Variants in TNIK observed in about 807,000 individuals in gnomAD.
The protein encoded by TNIK is TRAF2 and NCK-interacting protein kinase.
In TNIK, 49 loss-of-function variants were observed where a neutral mutation model predicts 191.3. That is an observed-to-expected ratio of 0.26 (90% CI 0.20 to 0.32). The LOEUF is 0.32. Among genes scored for constraint, TNIK ranks in the 10% least tolerant of loss-of-function variants. The pLI is 1.00. For synonymous variants in TNIK, 594 were observed against 600.9 expected (o/e 0.99, Z 0.17); for missense variants, 1,155 against 1,702.3 (o/e 0.68, Z 5.66).
At chr3:171,251,032 C>T (rs1354735974) in intron 2 of TNIK, among the ~76,000 whole-genome samples, 1 of 152,172 alleles carries the variant, frequency 6.6e-6, no homozygotes, top group Non-Finnish European at 1.5e-5. Flanking sequence ...GACTGAAGCT[C>T]TCATCTAAAC....
chr3:171,385,030 A>G (rs1195180842), intron 1 of TNIK, among the ~76,000 whole-genome samples: 1 of 152,226 alleles, frequency 6.6e-6, no homozygotes, highest in African/African-American at 2.4e-5. Flanking sequence ...ATCAAGTAAC[A>G]CTAAAATACA....
intron 6 of TNIK, 38 bp from the exon 7 acceptor site, chr3:171,188,870 A>G: frequency 6.2e-7 from 1 of 1,608,226 alleles, no homozygotes; most frequent in Non-Finnish European, 8.5e-7. Flanking sequence ...GTCTGTGATC[A>G]TAGGTTTTAG....
intron 1 of TNIK, among the ~76,000 whole-genome samples, chr3:171,396,558 C>A (rs1720277657): frequency 6.6e-6 from 1 of 152,160 alleles, no homozygotes. Context: ...CTCCAGGTGG[C>A]AGAAAGCTAA....
intron 2 of TNIK, among the ~76,000 whole-genome samples, chr3:171,250,625 G>A (rs906559621): frequency 1.3e-5 from 2 of 152,188 alleles, no homozygotes; most frequent in African/African-American, 4.8e-5. Context: ...GAACAACACA[G>A]GCCCTGTGGT....
intron 3 of TNIK, among the ~76,000 whole-genome samples, chr3:171,225,963 C>T (rs1294382369): frequency 6.6e-6 from 1 of 152,182 alleles, no homozygotes; most frequent in Non-Finnish European, 1.5e-5. Context: ...AAGGAAAATA[C>T]AGTAGTATGA....
intron 2 of TNIK, among the ~76,000 whole-genome samples, chr3:171,258,872 A>G (rs559160297): frequency 6.6e-6 from 1 of 152,290 alleles, no homozygotes; most frequent in East Asian, 1.9e-4. Flanking sequence ...AATTTAATTA[A>G]TTTACTCCTT....
intron 2 of TNIK, among the ~76,000 whole-genome samples, chr3:171,297,588 G>C (rs1194693701): frequency 2.0e-5 from 3 of 152,086 alleles, no homozygotes; most frequent in Non-Finnish European, 4.4e-5. Flanking sequence ...ACAAAATATT[G>C]ATGTCTCTTT....
At chr3:171,128,395 A>G (rs994760928) in intron 16 of TNIK, among the ~76,000 whole-genome samples, 16 of 152,222 alleles carry the variant, frequency 1.1e-4, no homozygotes, top group African/African-American at 3.4e-4. Flanking sequence ...CAAAGTTTCT[A>G]TGAATTCTAG....
rs1724513333 is a variant in TNIK at position 171,104,994 on chromosome 3, CAAAGACTATATTA to C, written c.2406+2176_2406+2188del. Among the ~76,000 whole-genome samples, 3 of 150,590 alleles carry C rather than the reference CAAAGACTATATTA, an allele frequency of 2.0e-5. No individual in the cohort carries two copies. The South Asian group carries it at 6.4e-4, about 32-fold the overall frequency. On this transcript the variant is annotated intron_variant, in intron 21 of 32. Coordinates refer to ENST00000436636, the MANE Select transcript of TNIK (RefSeq NM_015028.4). The stretch of plus-strand genomic sequence containing the variant: ...CCCATTTATTTTCAAAGACTATATT[CAAAGACTATATTA>C]AATAGACTATGCTGCAAAATCTCAT...
At chr3:171,214,436 A>C (rs1741220011) in intron 3 of TNIK, among the ~76,000 whole-genome samples, 3 of 152,228 alleles carry the variant, frequency 2.0e-5, no homozygotes, top group Admixed American at 2.0e-4. Context: ...TGCCACCCAC[A>C]GTGGCAGAAT....
intron 1 of TNIK, among the ~76,000 whole-genome samples, chr3:171,397,480 A>G (rs1416775563): frequency 6.6e-6 from 1 of 152,228 alleles, no homozygotes; most frequent in Admixed American, 6.5e-5. Flanking sequence ...GGAAGCAGAA[A>G]TTCTCAGTAT....
chr3:171,370,571 G>A (rs151289915), intron 1 of TNIK, among the ~76,000 whole-genome samples: 1 of 152,258 alleles, frequency 6.6e-6, no homozygotes, highest in East Asian at 1.9e-4. Flanking sequence ...CATAAATCTA[G>A]GAGTCACAAA....
intron 2 of TNIK, among the ~76,000 whole-genome samples, chr3:171,354,655 G>A (rs1022757485): frequency 1.3e-5 from 2 of 152,196 alleles, no homozygotes; most frequent in African/African-American, 4.8e-5. Context: ...ACAGACTAAG[G>A]AGTTTCTTCA....
chr3:171,236,813 C>T (rs1188703957), intron 2 of TNIK, among the ~76,000 whole-genome samples: 1 of 152,182 alleles, frequency 6.6e-6, no homozygotes, highest in Non-Finnish European at 1.5e-5. Context: ...CATCCTCTCC[C>T]CTGGCCCTGC....
chr3:171,082,201 T>G, intron 27 of TNIK, 50 bp downstream of exon 27: 1 of 1,587,620 alleles, frequency 6.3e-7, no homozygotes, highest in Non-Finnish European at 8.6e-7. Flanking sequence ...ATGAGGTGGA[T>G]CCCTTTCCCG....
At chr3:171,410,575 C>T (rs376634771) in intron 1 of TNIK, among the ~76,000 whole-genome samples, 1 of 151,880 alleles carries the variant, frequency 6.6e-6, no homozygotes, top group Admixed American at 6.6e-5. Flanking sequence ...GTCAGGAGAT[C>T]GAGACCATCC....
At position 171,063,874 on chromosome 3, in the gene TNIK, T is replaced by C. The variant is rs1377761840; in HGVS notation, c.*7A>G. On this transcript the variant is annotated 3_prime_UTR_variant, in exon 33 of 33. Transcript: ENST00000436636. ...CGCCATGAAGATAAGTGCCAAGTGC[T>C]CTTCTGTTACCAGTTCATCATGGAA... The C allele has an allele frequency of 1.2e-6, 2 of 1,613,328 alleles. No individual in the cohort carries two copies. Among genetic ancestry groups the C allele is most frequent in the East Asian group, 4.5e-5 (2 of 44,880 alleles).
At chr3:171,174,555 C>T (rs754373687) in intron 9 of TNIK, among the ~76,000 whole-genome samples, 3 of 152,148 alleles carry the variant, frequency 2.0e-5, no homozygotes, top group Non-Finnish European at 2.9e-5. Flanking sequence ...AGTCAAACAT[C>T]CAACATCTGG....
At chr3:171,252,996 G>A (rs897767902) in intron 2 of TNIK, among the ~76,000 whole-genome samples, 6 of 152,044 alleles carry the variant, frequency 3.9e-5, no homozygotes, top group Admixed American at 3.3e-4. Flanking sequence ...AATAACTAGG[G>A]CCGGGCACAG....
Sources: allele counts gnomAD v4.1 joint callset (sites outside exome capture counted in the v4.1 genomes callset), GRCh38; gene constraint gnomAD v4.1.1; transcripts MANE v1.5; gene names NCBI Gene and HGNC (gene_info 2026-07-23, HGNC 2026-07-21).